The following ADGB variants were observed in gnomAD, a reference collection of about 807,000 sequenced individuals.
ADGB encodes calpain-7-like protein.
In ADGB, 172 loss-of-function variants were observed where a neutral mutation model predicts 210.5. That is an observed-to-expected ratio of 0.82 (90% CI 0.72 to 0.93). The LOEUF is 0.93. ADGB is among the 40% of genes least tolerant of loss of function. The probability of loss-of-function intolerance (pLI) is 0.00; values close to 1 mark genes in which losing one functional copy is unlikely to be tolerated. For synonymous variants in ADGB, 658 were observed against 662.7 expected (o/e 0.99, Z 0.11); for missense variants, 2,025 against 1,964.8 (o/e 1.03, Z -0.58).
chr6:146,797,329 C>T (rs974402484), intron 33 of ADGB, among the ~76,000 whole-genome samples: 2 of 152,130 alleles, frequency 1.3e-5, no homozygotes, highest in Non-Finnish European at 2.9e-5. Flanking sequence ...CCATTTGATC[C>T]AGCAATCCCA....
At chr6:146,667,369 A>T (rs774398804) in intron 7 of ADGB, among the ~76,000 whole-genome samples, 8 of 152,052 alleles carry the variant, frequency 5.3e-5, no homozygotes, top group Non-Finnish European at 1.2e-4. Context: ...CAGGCCAGTA[A>T]GGGTCCAAAG....
intron 31 of ADGB, 137 bp from the exon 32 acceptor site, chr6:146,785,473 G>C (rs778842770): frequency 7.7e-6 from 4 of 522,774 alleles, no homozygotes; most frequent in Admixed American, 6.0e-5. Flanking sequence ...AGAAGAGCTG[G>C]TCTGCTTCAT....
intron 1 of ADGB, among the ~76,000 whole-genome samples, chr6:146,633,163 G>T (rs776805718): frequency 1.3e-5 from 2 of 151,880 alleles, no homozygotes; most frequent in East Asian, 1.9e-4. Flanking sequence ...TCCGTACCAC[G>T]GTCTTCTGTC....
chr6:146,747,717 A>G (rs1777259686), intron 26 of ADGB, among the ~76,000 whole-genome samples: 1 of 151,762 alleles, frequency 6.6e-6, no homozygotes, highest in South Asian at 2.1e-4. Flanking sequence ...GTTAAAAATT[A>G]TGTCGCATAG....
chr6:146,801,894 G>A lies in ADGB; in HGVS notation c.4701G>A (p.Ala1567=), dbSNP rs777377861. The A allele has an allele frequency of 7.1e-5, 110 of 1,550,770 alleles. No homozygotes were observed. Among genetic ancestry groups the A allele is most frequent in the Non-Finnish European group, 8.7e-5 (100 of 1,146,644 alleles). ...ELNQQQAMQK[A]EEIHQFRQHR... ...ATCAGCAGCAGGCAATGCAAAAGGC[G>A]GAAGAAATTCATCAGTTTCGACAGC... Residue 1567 remains alanine, a synonymous_variant, in exon 35 of 36, where the codon GCG becomes GCA. Transcript: ENST00000397944.
At chr6:146,644,396 C>T (rs1219645371) in intron 2 of ADGB, among the ~76,000 whole-genome samples, 2 of 151,622 alleles carry the variant, frequency 1.3e-5, no homozygotes, top group Non-Finnish European at 1.5e-5. Context: ...AAATCTTCTC[C>T]ATTCAGGTAA....
intron 33 of ADGB, among the ~76,000 whole-genome samples, chr6:146,791,036 G>C (rs1334596145): frequency 6.6e-6 from 1 of 152,014 alleles, no homozygotes; most frequent in Non-Finnish European, 1.5e-5. Context: ...TTTTAATGTA[G>C]TTATTTGCTT....
rs1308157431 is a variant in ADGB, at chr6:146,610,319, A to T, written c.74+11205A>T. Among the ~76,000 whole-genome samples, 5 of 152,202 alleles carry T rather than the reference A, an allele frequency of 3.3e-5. 1 individual carries two copies. The highest frequency in any genetic ancestry group is 1.2e-4 in the African/African-American group (5 of 41,450). ...CTCCGCAATCTATGTTACCATCCAG[A>T]TGCTGAATTCTATGTCTGTCATTTC... On this transcript the variant is annotated intron_variant, in intron 1 of 35. Transcript: ENST00000397944.
intron 9 of ADGB, 29 bp downstream of exon 9, chr6:146,676,470 C>G (rs1776086374): frequency 2.3e-6 from 3 of 1,316,984 alleles, no homozygotes; most frequent in Admixed American, 7.3e-5. Context: ...AGAATAATAA[C>G]TATTTTAGTT....
intron 8 of ADGB, among the ~76,000 whole-genome samples, chr6:146,674,232 A>G (rs961631929): frequency 6.6e-6 from 1 of 152,216 alleles, no homozygotes; most frequent in Non-Finnish European, 1.5e-5. Context: ...AAGTAAAATA[A>G]TGTATAAACA....
intron 4 of ADGB, among the ~76,000 whole-genome samples, chr6:146,656,029 C>A (rs561869488): frequency 6.9e-6 from 1 of 145,888 alleles, no homozygotes; most frequent in Non-Finnish European, 1.6e-5. Flanking sequence ...TGTTTCTAGT[C>A]CTCACAAAAA....
At chr6:146,748,821 C>A (rs1777279738) in intron 26 of ADGB, among the ~76,000 whole-genome samples, 1 of 152,190 alleles carries the variant, frequency 6.6e-6, no homozygotes, top group Non-Finnish European at 1.5e-5. Context: ...CTCAAGCAAT[C>A]CACCTGCCTT....
At chr6:146,628,595 T>G (rs561305094) in intron 1 of ADGB, among the ~76,000 whole-genome samples, 1 of 152,164 alleles carries the variant, frequency 6.6e-6, no homozygotes, top group South Asian at 2.1e-4. Context: ...TAAGCTTGCA[T>G]AGTACTGAAC....
intron 9 of ADGB, among the ~76,000 whole-genome samples, chr6:146,678,300 C>G (rs539250010): frequency 6.6e-6 from 1 of 152,296 alleles, no homozygotes; most frequent in African/African-American, 2.4e-5. Flanking sequence ...AATCTCAGCT[C>G]ACTGCAATCT....
chr6:146,601,253 T>C (rs1018648723), intron 1 of ADGB, among the ~76,000 whole-genome samples: 1 of 152,174 alleles, frequency 6.6e-6, no homozygotes, highest in Non-Finnish European at 1.5e-5. Flanking sequence ...ATGTCTAACA[T>C]GTTTTTTTTC....
intron 3 of ADGB, among the ~76,000 whole-genome samples, chr6:146,647,552 CAT>C (rs1385408230): frequency 1.3e-5 from 2 of 151,972 alleles, no homozygotes; most frequent in Non-Finnish European, 2.9e-5. Flanking sequence ...AAAATTTAGA[CAT>C]ATTAAAAAAG....
chr6:146,674,238 A>T (rs1776054159), intron 8 of ADGB, among the ~76,000 whole-genome samples: 1 of 152,138 alleles, frequency 6.6e-6, no homozygotes. Flanking sequence ...AATAATGTAT[A>T]AACAACCCTG....
At chr6:146,798,465 A>G (rs949390541) in intron 33 of ADGB, among the ~76,000 whole-genome samples, 6 of 152,188 alleles carry the variant, frequency 3.9e-5, no homozygotes, top group Admixed American at 6.5e-5. Context: ...TACGGTAAAC[A>G]TCATACTTAA....
chr6:146,654,573 G>C (rs989697446), intron 4 of ADGB, among the ~76,000 whole-genome samples: 3 of 151,962 alleles, frequency 2.0e-5, no homozygotes, highest in African/African-American at 7.3e-5. Context: ...GGCTGGTCTT[G>C]AACTCCTGGG....
Sources: gnomAD v4.1 joint callset for allele counts (sites outside exome capture counted in the v4.1 genomes callset) on GRCh38, gnomAD v4.1.1 for gene constraint, MANE v1.5 for transcripts, NCBI Gene and HGNC (gene_info 2026-07-23, HGNC 2026-07-21) for gene names.